The following PDZD2 variants were observed in gnomAD, a reference collection of about 807,000 sequenced individuals.
PDZD2 encodes PDZ domain-containing protein 2.
PDZD2 carries 90 observed loss-of-function variants against 220.7 expected under a neutral mutation model. That is an observed-to-expected ratio of 0.41 (90% CI 0.34 to 0.49). PDZD2 has a LOEUF of 0.49. PDZD2 is among the 20% of genes least tolerant of loss of function. The pLI is 0.28. For missense variants in PDZD2, 3,174 were observed against 3,608.5 expected (o/e 0.88, Z 3.08); for synonymous variants, 1,375 against 1,450.5 (o/e 0.95, Z 1.18).
At chr5:31,896,071 T>G (rs1279331379) in intron 2 of PDZD2, among the ~76,000 whole-genome samples, 1 of 152,142 alleles carries the variant, frequency 6.6e-6, no homozygotes, top group Non-Finnish European at 1.5e-5. Context: ...TTGGGAACAG[T>G]AGGATCCAGA....
intron 1 of PDZD2, among the ~76,000 whole-genome samples, chr5:31,652,194 T>C (rs1051194335): frequency 2.6e-5 from 4 of 151,864 alleles, no homozygotes; most frequent in African/African-American, 4.8e-5. Flanking sequence ...TGTCTTGCCA[T>C]GTTACCCAGG....
rs941439902 is a variant in PDZD2 at position 31,936,257 on chromosome 5, A to G, written c.477-46898A>G. 1.0e-5 allele frequency: 10 copies of G among 987,606 alleles called. No homozygotes were observed. The Admixed American group carries it at 5.5e-4, about 55-fold the overall frequency. 61.2% of individuals were successfully genotyped at this position (987,606 alleles called of 1,614,324 possible). On this transcript the variant is annotated intron_variant, in intron 2 of 24. Transcript: ENST00000438447. ...TTTAAAGACCTGAATGGAGAAGGGA[A>G]GTGAAGCACAACCAACTTTGGAGTC...
intron 1 of PDZD2, among the ~76,000 whole-genome samples, chr5:31,787,226 T>C (rs1753432529): frequency 6.6e-6 from 1 of 152,244 alleles, no homozygotes; most frequent in Non-Finnish European, 1.5e-5. Flanking sequence ...TTTCAAAGCA[T>C]TGAACTGCCA....
In PDZD2 at chr5:32,087,786, G is replaced by A. The variant is rs72743803; in HGVS notation, c.4338G>A (p.Thr1446=). 11 of 1,613,592 alleles carry A rather than the reference G, an allele frequency of 6.8e-6. No homozygotes were observed. The highest frequency in any genetic ancestry group is 2.2e-5 in the East Asian group (1 of 44,854). ...CAGCAAGGTCTCCGTCTTCCCAGAC[G>A]GGGGACAGTGGCTCTCAGGAGGGCA... ...ASAARSPSSQ[T]GDSGSQEGSA... is the part of the protein sequence containing the mutation. Residue 1446 remains threonine (T), a synonymous_variant, in exon 20 of 25, where the codon ACG becomes ACA. Coordinates refer to ENST00000438447, the MANE Select transcript of PDZD2 (RefSeq NM_178140.4). The surrounding 1 kb of genome is among the most constrained non-coding windows in gnomAD (Gnocchi z 4.0).
At chr5:31,957,366 G>A (rs999083639) in intron 2 of PDZD2, among the ~76,000 whole-genome samples, 9 of 152,166 alleles carry the variant, frequency 5.9e-5, no homozygotes, top group African/African-American at 1.7e-4. Flanking sequence ...GCCCACACTC[G>A]GTCAGGAGGT....
At chr5:31,677,203 A>G (rs1205380456) in intron 1 of PDZD2, among the ~76,000 whole-genome samples, 2 of 152,184 alleles carry the variant, frequency 1.3e-5, no homozygotes, top group Non-Finnish European at 2.9e-5. Flanking sequence ...GTGGGGAATG[A>G]CAGCGGATTA....
Position 31,716,017 on chromosome 5 carries a change from C to T in PDZD2, c.-361+76580C>T, listed in dbSNP as rs529253211. Among the ~76,000 whole-genome samples, 4 of 152,298 alleles carry T rather than the reference C, an allele frequency of 2.6e-5. No homozygotes were observed. In the South Asian group the frequency reaches 8.3e-4, roughly 32 times the overall value. On this transcript the variant is annotated intron_variant, in intron 1 of 24. Transcript: ENST00000438447. ...AGGCCCCTCTTCTGCTATTTCTTTG[C>T]TCTTCATTCTTGCCCCAAATCCATG...
intron 14 of PDZD2, among the ~76,000 whole-genome samples, chr5:32,066,041 A>G (rs1299913159): frequency 2.0e-5 from 3 of 151,208 alleles, no homozygotes; most frequent in African/African-American, 7.3e-5. Context: ...TCAATCAATC[A>G]ATCAATCAAT....
chr5:31,842,332 C>T (rs1018624259), intron 2 of PDZD2, among the ~76,000 whole-genome samples: 1 of 152,190 alleles, frequency 6.6e-6, no homozygotes, highest in Non-Finnish European at 1.5e-5. Context: ...AGGTAATTGT[C>T]ATTATCCCCA....
intron 2 of PDZD2, among the ~76,000 whole-genome samples, chr5:31,867,306 C>T (rs557764545): frequency 1.3e-5 from 2 of 152,338 alleles, no homozygotes; most frequent in East Asian, 3.9e-4. Flanking sequence ...GCTATCCAGA[C>T]CAGCCCACTG....
intron 1 of PDZD2, among the ~76,000 whole-genome samples, chr5:31,688,491 CT>C (rs1746963292): frequency 6.6e-6 from 1 of 152,214 alleles, no homozygotes; most frequent in African/African-American, 2.4e-5. Context: ...CCTTATCATT[CT>C]TTCCCCCTCT....
At chr5:31,832,056 G>GT (rs557541685) in intron 2 of PDZD2, among the ~76,000 whole-genome samples, 1 of 151,700 alleles carries the variant, frequency 6.6e-6, no homozygotes, top group African/African-American at 2.4e-5. Context: ...TTTTTGTTTT[G>GT]TTTTTTGTTT....
chr5:31,825,293 G>A (rs1356251721), intron 2 of PDZD2, among the ~76,000 whole-genome samples: 4 of 152,152 alleles, frequency 2.6e-5, no homozygotes, highest in East Asian at 1.9e-4. Flanking sequence ...AATGGCAGAC[G>A]TCAAGAGGAA....
At chr5:31,684,168 C>G (rs1250734777) in intron 1 of PDZD2, among the ~76,000 whole-genome samples, 1 of 152,206 alleles carries the variant, frequency 6.6e-6, no homozygotes, top group Non-Finnish European at 1.5e-5. Context: ...CTCCATCCTC[C>G]TGTAGCAGCC....
intron 10 of PDZD2, among the ~76,000 whole-genome samples, chr5:32,054,578 A>C (rs545458818): frequency 6.6e-6 from 1 of 151,670 alleles, no homozygotes; most frequent in Non-Finnish European, 1.5e-5. Flanking sequence ...GCCCACCTCA[A>C]CCTCACAAAG....
At chr5:31,870,158 A>G (rs1330980375) in intron 2 of PDZD2, among the ~76,000 whole-genome samples, 1 of 152,070 alleles carries the variant, frequency 6.6e-6, no homozygotes, top group African/African-American at 2.4e-5. Context: ...GGGGAATTCT[A>G]CTCAGGACTT....
intron 2 of PDZD2, among the ~76,000 whole-genome samples, chr5:31,850,804 T>A (rs1486533053): frequency 6.6e-6 from 1 of 151,856 alleles, no homozygotes; most frequent in Non-Finnish European, 1.5e-5. Context: ...GCCTGGCTAA[T>A]TTTTTGTATT....
In PDZD2 at chr5:32,088,715, G is replaced by T. The variant is rs1223614792; in HGVS notation, c.5267G>T (p.Ser1756Ile). The part of the protein sequence containing the change: ...QYETSINAAA[S>I]LSSFSVDVPK... ...GAAACAAGCATTAATGCAGCTGCCAGTCTGTCCTCCTTCAGTGTGGATGTC... is the reference window on the plus strand; with the variant it reads ...GAAACAAGCATTAATGCAGCTGCCATTCTGTCCTCCTTCAGTGTGGATGTC... Residue 1756 changes from serine to isoleucine, a missense_variant, in exon 20 of 25, where the codon AGT (serine) becomes ATT (isoleucine). Coordinates refer to ENST00000438447, the MANE Select transcript of PDZD2 (RefSeq NM_178140.4). This position sits in a 1 kb window ranked among gnomAD's most constrained non-coding sequence, Gnocchi z 4.6. The T allele has an allele frequency of 4.3e-6, 7 of 1,614,108 alleles. No individual in the cohort carries two copies. Among genetic ancestry groups the T allele is most frequent in the Non-Finnish European group, 5.9e-6 (7 of 1,179,982 alleles).
At chr5:31,915,265 T>C (rs2150373035) in intron 2 of PDZD2, among the ~76,000 whole-genome samples, 1 of 152,030 alleles carries the variant, frequency 6.6e-6, no homozygotes, top group East Asian at 1.9e-4. Context: ...AAAAAAATGA[T>C]GAGCCCGTGG....
Sources: gnomAD v4.1 joint callset for allele counts (sites outside exome capture counted in the v4.1 genomes callset) on GRCh38, gnomAD v4.1.1 for gene constraint, Gnocchi (gnomAD v3.1) non-coding constraint, MANE v1.5 for transcripts, NCBI Gene and HGNC (gene_info 2026-07-23, HGNC 2026-07-21) for gene names.